The following S100Z variants were observed in gnomAD, a reference collection of about 807,000 sequenced individuals.
The protein encoded by S100Z is protein S100-Z.
S100Z carries 11 observed loss-of-function variants against 8.5 expected under a neutral mutation model. The observed-to-expected ratio is 1.30, with a 90% CI of 0.82 to 2.15. The LOEUF is 2.15. Among genes scored for constraint, S100Z ranks in the 30% most tolerant of loss-of-function variants. The pLI is 0.00. For synonymous variants in S100Z, 34 were observed against 43.8 expected (o/e 0.78, Z 0.89); for missense variants, 126 against 117.9 (o/e 1.07, Z -0.32).
Position 76,910,851 on chromosome 5 carries a change from G to A in S100Z, c.*3-9866G>A, listed in dbSNP as rs185742018. ...CTGTCCTCAAGGTCCGTTACCATCC[G>A]AGGAATCCTGGGACAGCCTGTAACC... On this transcript the variant is annotated intron_variant, in intron 4 of 4. Transcript: ENST00000317593. Among the ~76,000 whole-genome samples the A allele has an allele frequency of 3.4e-3, 522 of 152,278 alleles. 4 individuals carry two copies. The highest frequency in any genetic ancestry group is 0.012 in the African/African-American group (480 of 41,556).
At chr5:76,868,610 C>A (rs562481765) in intron 1 of S100Z, among the ~76,000 whole-genome samples, 116 of 147,836 alleles carry the variant, frequency 7.8e-4, no homozygotes, top group African/African-American at 2.7e-3. Flanking sequence ...ATATTTTATT[C>A]CAAATTCAAA....
At chr5:76,891,289 T>C (rs1375813087) in intron 4 of S100Z, among the ~76,000 whole-genome samples, 1 of 152,230 alleles carries the variant, frequency 6.6e-6, no homozygotes, top group South Asian at 2.1e-4. Flanking sequence ...TGGTATTTTT[T>C]AAAATATAGA....
At chr5:76,924,450 C>G (rs1039131786), downstream of S100Z, among the ~76,000 whole-genome samples, 1 of 152,150 alleles carries the variant, frequency 6.6e-6, no homozygotes, top group Non-Finnish European at 1.5e-5. Flanking sequence ...GGCTCCTACA[C>G]GTTCTAACAA....
At chr5:76,893,364 C>T (rs2150663166) in intron 4 of S100Z, among the ~76,000 whole-genome samples, 1 of 152,080 alleles carries the variant, frequency 6.6e-6, no homozygotes, top group South Asian at 2.1e-4. Flanking sequence ...GCCAACATGG[C>T]AAAACCTCCA....
intron 4 of S100Z, among the ~76,000 whole-genome samples, chr5:76,886,521 A>T (rs538108610): frequency 1.3e-5 from 2 of 152,188 alleles, no homozygotes; most frequent in African/African-American, 4.8e-5. Flanking sequence ...CTCTTCATGG[A>T]GTGAGGGCAA....
intron 4 of S100Z, among the ~76,000 whole-genome samples, chr5:76,916,341 T>C (rs879264474): frequency 9.2e-5 from 14 of 152,182 alleles, no homozygotes; most frequent in Middle Eastern, 3.4e-3. Flanking sequence ...ACAATTACAA[T>C]TGAAGACTGC....
chr5:76,922,855 C>G (rs1157513178), downstream of S100Z, among the ~76,000 whole-genome samples: 1 of 152,100 alleles, frequency 6.6e-6, no homozygotes, highest in Non-Finnish European at 1.5e-5. Context: ...TCTAGCCCCT[C>G]TTAGAATTCA....
chr5:76,886,805 A>G (rs765947379), intron 4 of S100Z, among the ~76,000 whole-genome samples: 11 of 152,210 alleles, frequency 7.2e-5, no homozygotes. Context: ...TCTCAAGGAT[A>G]GGGAGAATTG....
intron 1 of S100Z, among the ~76,000 whole-genome samples, chr5:76,862,095 C>G (rs1751071945): frequency 6.7e-6 from 1 of 150,210 alleles, no homozygotes; most frequent in South Asian, 2.1e-4. Flanking sequence ...GTTTTGTTAC[C>G]TTTTTTTCTC....
At chr5:76,933,900 C>T in the S100Z span, among the ~76,000 whole-genome samples, 4 of 151,552 alleles carry the variant, frequency 2.6e-5, no homozygotes, top group Non-Finnish European at 5.9e-5. Flanking sequence ...TCCTTCTTCC[C>T]CCAACCACCT....
At chr5:76,879,866 G>A (rs899923866) in intron 4 of S100Z, among the ~76,000 whole-genome samples, 1 of 152,144 alleles carries the variant, frequency 6.6e-6, no homozygotes, top group South Asian at 2.1e-4. Flanking sequence ...GGATGAGAAC[G>A]AAGACTTGAC....
chr5:76,916,480 A>G lies in S100Z; in HGVS notation c.*3-4237A>G, dbSNP rs972156685. Among the ~76,000 whole-genome samples, 17 of 151,072 alleles carry G rather than the reference A, an allele frequency of 1.1e-4. No individual in the cohort carries two copies. The East Asian group carries it at 2.7e-3, about 24-fold the overall frequency. On this transcript the variant is annotated intron_variant, in intron 4 of 4. Transcript: ENST00000317593. ...TGAAACACTCAACAACAGGCCACAC[A>G]TTATTTTCATGTGCCCACAGTACAT...
At chr5:76,905,702 G>T (rs375208298) in intron 4 of S100Z, among the ~76,000 whole-genome samples, 2 of 152,142 alleles carry the variant, frequency 1.3e-5, no homozygotes, top group Non-Finnish European at 2.9e-5. Flanking sequence ...GCGAACCACC[G>T]TGCCTGGCCA....
chr5:76,928,780 G>A, the S100Z span, among the ~76,000 whole-genome samples: 5 of 152,098 alleles, frequency 3.3e-5, no homozygotes, highest in East Asian at 1.9e-4. Context: ...TCACTCTGTC[G>A]CCCAAGCTGG....
chr5:76,938,107 T>A, the S100Z span, among the ~76,000 whole-genome samples: 8 of 138,226 alleles, frequency 5.8e-5, no homozygotes, highest in African/African-American at 2.2e-4. Context: ...AAACAAAAAA[T>A]AAACAAAAAA....
chr5:76,857,004 A>G (rs900820969), intron 1 of S100Z, among the ~76,000 whole-genome samples: 1 of 152,178 alleles, frequency 6.6e-6, no homozygotes, highest in Non-Finnish European at 1.5e-5. Context: ...CAGCATAGTG[A>G]AAGGTCACAG....
intron 4 of S100Z, among the ~76,000 whole-genome samples, chr5:76,906,796 C>T (rs1744436569): frequency 6.6e-6 from 1 of 151,370 alleles, no homozygotes; most frequent in African/African-American, 2.4e-5. Context: ...CCACGCTCAG[C>T]TAATTTTTGT....
chr5:76,906,976 GTATATATATATATATATA>G (rs869046562), intron 4 of S100Z, among the ~76,000 whole-genome samples: 762 of 21,744 alleles, frequency 0.035, 35 homozygotes, highest in East Asian at 0.22. Flanking sequence ...TTGTGTGTGT[GTATATATATATATATATA>G]TATATATATA....
intron 1 of S100Z, among the ~76,000 whole-genome samples, chr5:76,859,863 C>T (rs1344739996): frequency 2.6e-5 from 4 of 151,772 alleles, no homozygotes; most frequent in Non-Finnish European, 5.9e-5. Context: ...TAGAATGATG[C>T]AACCACAATT....
Sources: allele counts gnomAD v4.1 joint callset (sites outside exome capture counted in the v4.1 genomes callset), GRCh38; gene constraint gnomAD v4.1.1; transcripts MANE v1.5; gene names NCBI Gene and HGNC (gene_info 2026-07-23, HGNC 2026-07-21).